Variants in PINK1 observed in about 807,000 individuals in gnomAD.
PINK1 encodes PTEN induced kinase 1.
Under a neutral mutation model 56.0 loss-of-function variants are expected in PINK1, and 58 were observed. That is an observed-to-expected ratio of 1.04 (90% CI 0.84 to 1.29). The LOEUF is 1.29. Among genes scored for constraint, PINK1 ranks in the 50% most tolerant of loss-of-function variants. The pLI is 0.00. For synonymous variants in PINK1, 354 were observed against 339.3 expected (o/e 1.04, Z -0.48); for missense variants, 745 against 777.9 (o/e 0.96, Z 0.50).
rs2053113416 is a variant in PINK1, at chr1:20,641,276, G to A, written c.776+1284G>A. On this transcript the variant is annotated intron_variant, in intron 3 of 7. Coordinates refer to ENST00000321556, the MANE Select transcript of PINK1 (RefSeq NM_032409.3). The surrounding 1 kb of genome is among the most constrained non-coding windows in gnomAD (Gnocchi z 4.0). ...CTGCTTCTCCTGAGGCCTTTTTGGAGAAAGTGGACACCTGAATGTCAGCTG... is the reference window on the plus strand; with the variant it reads ...CTGCTTCTCCTGAGGCCTTTTTGGAAAAAGTGGACACCTGAATGTCAGCTG... Among the ~76,000 whole-genome samples the A allele has an allele frequency of 6.6e-6, 1 of 152,138 alleles. No individual in the cohort carries two copies. Among genetic ancestry groups the A allele is most frequent in the Non-Finnish European group, 1.5e-5 (1 of 68,016 alleles).
At chr1:20,648,935 A>C in intron 6 of PINK1, 60 bp from the exon 7 acceptor site, 1 of 1,538,170 alleles carries the variant, frequency 6.5e-7, no homozygotes, top group Non-Finnish European at 9.0e-7. Flanking sequence ...GGTGATGTGC[A>C]GGACATGAAA....
intron 7 of PINK1, 28 bp downstream of exon 7, chr1:20,649,259 C>T (rs373608394): frequency 2.2e-5 from 35 of 1,607,658 alleles, no homozygotes; most frequent in African/African-American, 1.5e-4. Flanking sequence ...TTCGAGGGGA[C>T]GGTGTGGGTA....
intron 1 of PINK1, among the ~76,000 whole-genome samples, chr1:20,636,602 A>G (rs990807836): frequency 6.6e-6 from 1 of 152,156 alleles, no homozygotes; most frequent in African/African-American, 2.4e-5. Flanking sequence ...TCGGCCTCCC[A>G]AAGTGCTGGG....
chr1:20,644,246 A>T (rs2053149006), intron 3 of PINK1, among the ~76,000 whole-genome samples: 1 of 152,166 alleles, frequency 6.6e-6, no homozygotes, highest in African/African-American at 2.4e-5. Context: ...GATAGGATGG[A>T]TGGGTGTACG....
chr1:20,650,247 G>A, intron 7 of PINK1, 187 bp from the exon 8 acceptor site: 1 of 746,000 alleles, frequency 1.3e-6, no homozygotes, highest in Non-Finnish European at 2.3e-6. Context: ...TGTACACATG[G>A]AAAAGCTTGG....
chr1:20,637,879 C>T lies in PINK1; in HGVS notation c.425C>T (p.Pro142Leu), dbSNP rs775160272. 33 of 1,614,054 alleles carry T rather than the reference C, an allele frequency of 2.0e-5. No homozygotes were observed. The highest frequency in any genetic ancestry group is 1.5e-4 in the Admixed American group (9 of 59,994). ...CAGAAAAGCAAGCCGGGGCCTGACCCGTTGGACACGAGACGCTTGCAGGGC... is the reference window on the plus strand; with the variant it reads ...CAGAAAAGCAAGCCGGGGCCTGACCTGTTGGACACGAGACGCTTGCAGGGC... ...FTQKSKPGPD[P>L]LDTRRLQGFR... The change falls in exon 2 of 8, where the codon CCG (proline) becomes CTG (leucine). Residue 142 changes from proline to leucine, a missense_variant. Transcript: ENST00000321556.
intron 7 of PINK1, 67 bp from the exon 8 acceptor site, chr1:20,650,367 C>T: frequency 1.9e-5 from 31 of 1,599,298 alleles, no homozygotes; most frequent in Non-Finnish European, 2.6e-5. Flanking sequence ...CCCTCACTAA[C>T]AAAGCAGGCT....
At position 20,644,676 on chromosome 1, in the gene PINK1, A is replaced by T. The variant is rs758604046; in HGVS notation, c.959+4A>T. On this transcript the variant is annotated splice_donor_region_variant and intron_variant, in intron 4 of 7. Transcript: ENST00000321556. ...CGCTGTTCCTCGTTATGAAGAAGTA[A>T]GTGACAGCAGCGCGGCAGGGCCTGG... 65 of 1,613,962 alleles carry T rather than the reference A, an allele frequency of 4.0e-5. No individual in the cohort carries two copies. The highest frequency in any genetic ancestry group is 5.0e-5 in the Non-Finnish European group (59 of 1,180,030).
At chr1:20,643,552 T>C (rs1377157302) in intron 3 of PINK1, among the ~76,000 whole-genome samples, 5 of 152,252 alleles carry the variant, frequency 3.3e-5, no homozygotes, top group Admixed American at 1.3e-4. Flanking sequence ...CATTGATGAA[T>C]ATCTCTCTCC....
intron 6 of PINK1, 155 bp from the exon 7 acceptor site, chr1:20,648,840 C>T (rs902471155): frequency 8.1e-7 from 1 of 1,232,242 alleles, no homozygotes; most frequent in African/African-American, 1.5e-5. Flanking sequence ...ACCAGGTGGT[C>T]TAAGCAGACC....
rs879182315 is a variant in PINK1, at chr1:20,633,970, C to A, written c.387+35C>A. ...GCCGGGTCCTAAGCCGAGCGGAGGA[C>A]GGAGCTAAGCGCGGGGGCGGGTCCT... On this transcript the variant is annotated intron_variant, in intron 1 of 7. Coordinates refer to ENST00000321556, the MANE Select transcript of PINK1 (RefSeq NM_032409.3). The A allele has an allele frequency of 5.5e-6, 6 of 1,081,854 alleles. 1 individual carries two copies. The highest frequency in any genetic ancestry group is 1.0e-4 in the East Asian group (2 of 19,580). 67.0% of individuals were successfully genotyped at this position (1,081,854 alleles called of 1,614,324 possible).
chr1:20,634,003 G>C, intron 1 of PINK1, 68 bp downstream of exon 1: 3 of 1,503,936 alleles, frequency 2.0e-6, no homozygotes, highest in Non-Finnish European at 2.7e-6. Flanking sequence ...CCTCAGCTGG[G>C]TGGGGGCGGG....
chr1:20,637,211 A>G (rs2053064627), intron 1 of PINK1, among the ~76,000 whole-genome samples: 1 of 152,204 alleles, frequency 6.6e-6, no homozygotes, highest in Non-Finnish European at 1.5e-5. Flanking sequence ...GAAGCAGGGG[A>G]AGACCCACCA....
intron 2 of PINK1, chr1:20,639,611 C>G: frequency 2.0e-6 from 1 of 498,938 alleles, no homozygotes; most frequent in East Asian, 3.9e-5. Flanking sequence ...GAAGCAGCAC[C>G]CCATATCCTG....
intron 1 of PINK1, among the ~76,000 whole-genome samples, chr1:20,636,515 G>T (rs1462382969): frequency 6.6e-6 from 1 of 151,892 alleles, no homozygotes; most frequent in Admixed American, 6.6e-5. Flanking sequence ...CTAATTTTTT[G>T]TATTTTTTAG....
rs34203620 is a variant in PINK1, at chr1:20,648,511, G to T, written c.1130G>T (p.Cys377Phe). The T allele has an allele frequency of 2.2e-5, 35 of 1,614,218 alleles. No homozygotes were observed. The highest frequency in any genetic ancestry group is 2.5e-5 in the Non-Finnish European group (29 of 1,180,034). The change falls in exon 6 of 8, where the codon TGC becomes TTC. Residue 377 changes from cysteine to phenylalanine, a missense_variant. By Grantham distance (205) the Cys-to-Phe change is radical. Transcript: ENST00000321556. ...NILVELDPDG[C>F]PWLVIADFGC... ...TTTGCTTGCTCCTTCCCAGACGGCT[G>T]CCCCTGGCTGGTGATCGCAGATTTT...
intron 5 of PINK1, 22 bp from the exon 6 acceptor site, chr1:20,648,483 C>T (rs759427064): frequency 2.2e-5 from 35 of 1,613,960 alleles, no homozygotes; most frequent in Non-Finnish European, 2.8e-5. Context: ...GAGAAATGGT[C>T]ACTTTGCTTG....
chr1:20,650,588 G>C lies in PINK1; in HGVS notation c.1643G>C (p.Cys548Ser). The C allele has an allele frequency of 6.2e-7, 1 of 1,614,232 alleles. No homozygotes were observed. Among genetic ancestry groups the C allele is most frequent in the Non-Finnish European group, 8.5e-7 (1 of 1,180,038 alleles). Residue 548 changes from cysteine to serine, a missense_variant, in exon 8 of 8, where the codon TGT becomes TCT. Physicochemically the swap from Cys to Ser is moderately radical, Grantham distance 112. Coordinates refer to ENST00000321556, the MANE Select transcript of PINK1 (RefSeq NM_032409.3). ...TTGGCCAACAGGCTCACAGAGAAGT[G>C]TTGTGTGGAAACAAAAATGAAGATG... Reference protein sequence around the residue: ...TLLANRLTEKCCVETKMKMLF... With the variant: ...TLLANRLTEKSCVETKMKMLF...
intron 3 of PINK1, 98 bp downstream of exon 3, chr1:20,640,090 C>T (rs1303713268): frequency 1.0e-6 from 1 of 1,001,940 alleles, no homozygotes; most frequent in Non-Finnish European, 1.5e-6. Context: ...TCTGATATGA[C>T]AGTAGATAAT....
Sources: allele counts gnomAD v4.1 joint callset (sites outside exome capture counted in the v4.1 genomes callset), GRCh38; gene constraint gnomAD v4.1.1; non-coding constraint Gnocchi (gnomAD v3.1); transcripts MANE v1.5; gene names NCBI Gene and HGNC (gene_info 2026-07-23, HGNC 2026-07-21).